Variants in CNOT6L observed in about 807,000 individuals in gnomAD.
CNOT6L encodes the protein CCR4-NOT transcription complex subunit 6-like.
In CNOT6L, 7 loss-of-function variants were observed where a neutral mutation model predicts 64.0. The ratio of observed to expected loss-of-function variants is 0.11; its 90% confidence interval spans 0.06 to 0.21. The LOEUF is 0.21. CNOT6L is among the 10% of genes least tolerant of loss of function. The pLI, the probability that CNOT6L is intolerant of heterozygous loss-of-function variation, is 1.00. For missense variants in CNOT6L, 245 were observed against 669.0 expected, an observed-to-expected ratio of 0.37 and a Z score of 6.99; for synonymous variants, 193 against 243.4, an observed-to-expected ratio of 0.79 and a Z score of 1.93.
intron 1 of CNOT6L, among the ~76,000 whole-genome samples, chr4:77,818,791 G>T (rs1014400992): frequency 1.3e-5 from 2 of 151,864 alleles, no homozygotes; most frequent in African/African-American, 2.4e-5. Context: ...CGTCCGGGGA[G>T]GTGGGCGGGC....
At chr4:77,818,221 C>A (rs774671193) in intron 1 of CNOT6L, among the ~76,000 whole-genome samples, 12 of 152,194 alleles carry the variant, frequency 7.9e-5, no homozygotes, top group Non-Finnish European at 1.3e-4. Context: ...TGAACACAAT[C>A]CACCTAAACA....
chr4:77,767,869 C>T (rs1438537873), intron 4 of CNOT6L, among the ~76,000 whole-genome samples: 4 of 151,358 alleles, frequency 2.6e-5, no homozygotes, highest in African/African-American at 9.7e-5. Flanking sequence ...ATCCCAGCTA[C>T]TCAGGAAGCT....
intron 4 of CNOT6L, among the ~76,000 whole-genome samples, chr4:77,759,586 A>AC (rs397760415): frequency 6.6e-6 from 1 of 151,720 alleles, no homozygotes. Context: ...AAAAAAAAAA[A>AC]CAACCAAGAT....
At chr4:77,778,288 C>G (rs746498963) in intron 1 of CNOT6L, among the ~76,000 whole-genome samples, 3 of 152,118 alleles carry the variant, frequency 2.0e-5, no homozygotes, top group Non-Finnish European at 4.4e-5. Context: ...CAAGATTAAG[C>G]AAAGCCAAAT....
chr4:77,749,667 T>G (rs951244275), intron 5 of CNOT6L, among the ~76,000 whole-genome samples: 6 of 152,168 alleles, frequency 3.9e-5, no homozygotes, highest in Admixed American at 2.0e-4. Context: ...GAGCGAATAC[T>G]CTATCTCACT....
At chr4:77,756,777 ACAGT>A (rs1192934152) in intron 5 of CNOT6L, 81 bp downstream of exon 5, 1 of 782,520 alleles carries the variant, frequency 1.3e-6, no homozygotes, top group African/African-American at 1.7e-5. Context: ...ATTATAAAAA[ACAGT>A]CAGATGCTCT....
chr4:77,774,454 G>A (rs1727944832), intron 3 of CNOT6L, 76 bp downstream of exon 3: 3 of 1,172,858 alleles, frequency 2.6e-6, no homozygotes, highest in Non-Finnish European at 3.6e-6. Flanking sequence ...AAATCCTACT[G>A]TAATAAAGTA....
intron 1 of CNOT6L, among the ~76,000 whole-genome samples, chr4:77,782,947 C>T (rs1283694153): frequency 6.6e-6 from 1 of 152,030 alleles, no homozygotes; most frequent in Non-Finnish European, 1.5e-5. Flanking sequence ...ATGGCAATCA[C>T]AAGAGCTTAA....
chr4:77,787,429 A>C (rs929508116), intron 1 of CNOT6L, among the ~76,000 whole-genome samples: 1 of 152,192 alleles, frequency 6.6e-6, no homozygotes, highest in African/African-American at 2.4e-5. Flanking sequence ...TATTAAAGAC[A>C]TTACAAATGC....
At chr4:77,723,412 T>C (rs780263406) in intron 11 of CNOT6L, among the ~76,000 whole-genome samples, 10 of 152,188 alleles carry the variant, frequency 6.6e-5, no homozygotes, top group Non-Finnish European at 1.3e-4. Context: ...ACTAATACAA[T>C]TGGATCTGCA....
intron 1 of CNOT6L, among the ~76,000 whole-genome samples, chr4:77,801,095 G>A (rs1273830706): frequency 1.3e-5 from 2 of 152,118 alleles, no homozygotes; most frequent in Admixed American, 6.5e-5. Context: ...TGATTAGAAG[G>A]ATAAAGAACA....
upstream of CNOT6L, chr4:77,819,377 G>A (rs896903645): frequency 1.3e-6 from 2 of 1,520,158 alleles, no homozygotes; most frequent in African/African-American, 1.4e-5. Flanking sequence ...ACACAAACAC[G>A]CGCGCGCGCG....
At chr4:77,802,368 G>A (rs1377846975) in intron 1 of CNOT6L, among the ~76,000 whole-genome samples, 1 of 152,024 alleles carries the variant, frequency 6.6e-6, no homozygotes, top group Non-Finnish European at 1.5e-5. Flanking sequence ...TATCCTTTAG[G>A]TATGTTATAT....
intron 1 of CNOT6L, among the ~76,000 whole-genome samples, chr4:77,796,843 G>T (rs1160650040): frequency 6.6e-6 from 1 of 152,020 alleles, no homozygotes; most frequent in African/African-American, 2.4e-5. Flanking sequence ...CACTTTGGGA[G>T]GGCAAGGAAG....
intron 1 of CNOT6L, among the ~76,000 whole-genome samples, chr4:77,778,039 G>A (rs532152005): frequency 6.6e-6 from 1 of 152,160 alleles, no homozygotes; most frequent in East Asian, 1.9e-4. Context: ...ACACAATTTG[G>A]GCGATGCTAA....
intron 1 of CNOT6L, among the ~76,000 whole-genome samples, chr4:77,810,445 TTAAAC>T (rs1430918768): frequency 2.0e-5 from 3 of 152,142 alleles, no homozygotes; most frequent in South Asian, 2.1e-4. Flanking sequence ...TCAAAGTACA[TTAAAC>T]TAAACATAAA....
chr4:77,736,293 A>C (rs898935009), intron 8 of CNOT6L, among the ~76,000 whole-genome samples: 2 of 152,232 alleles, frequency 1.3e-5, no homozygotes, highest in African/African-American at 2.4e-5. Flanking sequence ...TCTAGTAAAT[A>C]AGAGTGTTGA....
chr4:77,811,741 CACAA>C (rs780352786), intron 1 of CNOT6L, among the ~76,000 whole-genome samples: 46 of 152,306 alleles, frequency 3.0e-4, no homozygotes, highest in Non-Finnish European at 3.5e-4. Flanking sequence ...CACACACTCA[CACAA>C]ACAAACACTC....
chr4:77,800,286 G>A (rs1371953955), intron 1 of CNOT6L, among the ~76,000 whole-genome samples: 2 of 152,020 alleles, frequency 1.3e-5, no homozygotes, highest in Non-Finnish European at 2.9e-5. Context: ...AGGACTGCTT[G>A]AGCCCAGGCG....
Sources: allele counts gnomAD v4.1 joint callset (sites outside exome capture counted in the v4.1 genomes callset), GRCh38; gene constraint gnomAD v4.1.1; transcripts MANE v1.5; gene names NCBI Gene and HGNC (gene_info 2026-07-23, HGNC 2026-07-21).